Variants in TEX10 observed in about 807,000 individuals in gnomAD.
The protein encoded by TEX10 is testis expressed 10, also known as testis-expressed protein 10.
Under a neutral mutation model 104.4 loss-of-function variants are expected in TEX10, and 24 were observed. That is an observed-to-expected ratio of 0.23 (90% CI 0.17 to 0.32). TEX10 has a LOEUF of 0.32. Ranked by LOEUF, TEX10 falls within the 10% of genes least tolerant of loss-of-function variation. The pLI is 1.00. For synonymous variants in TEX10, 396 were observed against 393.4 expected, an observed-to-expected ratio of 1.01 and a Z score of -0.08; for missense variants, 921 against 1,083.9, an observed-to-expected ratio of 0.85 and a Z score of 2.11.
At chr9:100,326,627 A>G in intron 8 of TEX10, 148 bp from the exon 9 acceptor site, 1 of 751,890 alleles carries the variant, frequency 1.3e-6, no homozygotes, top group Non-Finnish European at 2.0e-6. Context: ...GCATAATTAT[A>G]TTAATATCAT....
intron 5 of TEX10, among the ~76,000 whole-genome samples, chr9:100,339,262 A>T (rs1292947102): frequency 7.7e-6 from 1 of 129,522 alleles, no homozygotes; most frequent in African/African-American, 3.2e-5. Flanking sequence ...AAAAAAAAAA[A>T]AAAAAAAAAA....
At chr9:100,323,029 G>A (rs911509641) in intron 9 of TEX10, among the ~76,000 whole-genome samples, 8 of 152,270 alleles carry the variant, frequency 5.3e-5, no homozygotes, top group Admixed American at 2.0e-4. Context: ...TGCTAAGGGG[G>A]TTATAAAAAG....
At chr9:100,312,965 G>C (rs1275763758) in intron 11 of TEX10, among the ~76,000 whole-genome samples, 4 of 152,110 alleles carry the variant, frequency 2.6e-5, no homozygotes, top group African/African-American at 9.7e-5. Context: ...ATAGTCCCTA[G>C]AGATAGGAAG....
At chr9:100,340,235 C>A in intron 5 of TEX10, 22 bp downstream of exon 5, 1 of 1,440,500 alleles carries the variant, frequency 6.9e-7, no homozygotes, top group Non-Finnish European at 9.4e-7. Flanking sequence ...CAAGGTTATA[C>A]AGTGAAAAAG....
chr9:100,326,598 G>T, intron 8 of TEX10, 119 bp from the exon 9 acceptor site: 2 of 947,596 alleles, frequency 2.1e-6, no homozygotes, highest in Non-Finnish European at 3.0e-6. Context: ...TGAATTTTAT[G>T]AATATCAATT....
intron 13 of TEX10, chr9:100,306,266 TTAA>T (rs1434682469): frequency 2.6e-5 from 4 of 152,098 alleles, no homozygotes; most frequent in Non-Finnish European, 5.9e-5. Context: ...TGGTTAAAAA[TTAA>T]TAATAACTTT....
chr9:100,325,080 T>C (rs1834669862), intron 9 of TEX10, among the ~76,000 whole-genome samples: 1 of 152,170 alleles, frequency 6.6e-6, no homozygotes, highest in African/African-American at 2.4e-5. Flanking sequence ...AAAAGGCAAG[T>C]TTATTGTCAG....
In TEX10 at chr9:100,304,364, T is replaced by C. The variant is rs193177324; in HGVS notation, c.2466-522A>G. 21 of 162,000 alleles carry C rather than the reference T, an allele frequency of 1.3e-4. No individual in the cohort carries two copies. In the East Asian group the frequency reaches 3.1e-3, roughly 24 times the overall value. 10.0% of individuals were successfully genotyped at this position (162,000 alleles called of 1,614,324 possible). A position where few individuals can be genotyped will look rare whatever the true frequency, so the allele number is the denominator to read the frequency against. The stretch of plus-strand genomic sequence containing the variant: ...AGTAGCCAAAACAGCATGGTAATGA[T>C]AGAGAACAACAGACAGATAAACCAA... On this transcript the variant is annotated intron_variant, in intron 13 of 14. Coordinates refer to ENST00000374902, the MANE Select transcript of TEX10 (RefSeq NM_017746.4).
intron 4 of TEX10, among the ~76,000 whole-genome samples, chr9:100,341,282 G>A (rs755091137): frequency 1.3e-5 from 2 of 152,048 alleles, no homozygotes; most frequent in African/African-American, 4.8e-5. Flanking sequence ...CTCAATTATT[G>A]TTCCTCCTTA....
At chr9:100,350,915 C>T (rs1835424173) in intron 1 of TEX10, among the ~76,000 whole-genome samples, 1 of 152,170 alleles carries the variant, frequency 6.6e-6, no homozygotes, top group Non-Finnish European at 1.5e-5. Flanking sequence ...ACTCTGACGC[C>T]TTCCAGCTGT....
Position 100,327,767 on chromosome 9 carries a change from T to C in TEX10, c.1801+20A>G. 6.5e-7 allele frequency: 1 copy of C among 1,541,306 alleles called. No homozygotes were observed. Among genetic ancestry groups the C allele is most frequent in the Non-Finnish European group, 8.8e-7 (1 of 1,132,484 alleles). On this transcript the variant is annotated intron_variant, in intron 8 of 14. Coordinates refer to ENST00000374902, the MANE Select transcript of TEX10 (RefSeq NM_017746.4). The stretch of plus-strand genomic sequence containing the variant: ...GGTGGATCAATGACTACCCATACCA[T>C]TAAACAAATGAACTCTTACCATAAA...
At chr9:100,338,194 T>C (rs1411925308) in intron 5 of TEX10, among the ~76,000 whole-genome samples, 1 of 152,200 alleles carries the variant, frequency 6.6e-6, no homozygotes, top group Admixed American at 6.5e-5. Context: ...AGTTTTGTTT[T>C]TGTTTCCTAT....
At chr9:100,350,676 CAT>C (rs1835417294) in intron 1 of TEX10, among the ~76,000 whole-genome samples, 1 of 152,068 alleles carries the variant, frequency 6.6e-6, no homozygotes, top group Non-Finnish European at 1.5e-5. Flanking sequence ...CAATGCTACA[CAT>C]GAGGGTATAA....
intron 11 of TEX10, among the ~76,000 whole-genome samples, chr9:100,316,144 A>G (rs1445862512): frequency 1.3e-5 from 2 of 152,200 alleles, no homozygotes; most frequent in Admixed American, 6.5e-5. Context: ...ATACTTGCAA[A>G]TCAACTCTAA....
In TEX10 at chr9:100,346,269, T is replaced by C. The variant is rs751943796; in HGVS notation, c.940A>G (p.Thr314Ala). 3.7e-6 allele frequency: 6 copies of C among 1,613,940 alleles called. No homozygotes were observed. The African/African-American group carries it at 6.7e-5, about 18-fold the overall frequency. The change falls in exon 4 of 15, where the codon ACT becomes GCT. Residue 314 changes from threonine to alanine, a missense_variant. By Grantham distance (58) the Thr-to-Ala change is moderately conservative (BLOSUM62 0). Around this residue, in one of 3 missense-constraint regions of TEX10, gnomAD observed 753 missense variants for 868.4 expected, o/e 0.87. Transcript: ENST00000374902. ...LSGVDEGLSSTENLKGFIEII... is the reference protein window; with the variant it reads ...LSGVDEGLSSAENLKGFIEII... ...TCAATAAATCCTTTCAGGTTTTCAG[T>C]AGATGACAGGCCTTCATCCACACCA...
At chr9:100,320,189 C>A in intron 11 of TEX10, 76 bp downstream of exon 11, 1 of 1,350,246 alleles carries the variant, frequency 7.4e-7, no homozygotes, top group Non-Finnish European at 9.9e-7. Context: ...CACAAGGCAA[C>A]TCATATATAG....
At chr9:100,330,904 C>G (rs1436554862) in intron 5 of TEX10, among the ~76,000 whole-genome samples, 2 of 151,882 alleles carry the variant, frequency 1.3e-5, no homozygotes, top group Non-Finnish European at 2.9e-5. Flanking sequence ...CTGCTTGAGG[C>G]CAAGAGTTGG....
chr9:100,343,445 A>G (rs906599913), intron 4 of TEX10, among the ~76,000 whole-genome samples: 5 of 151,950 alleles, frequency 3.3e-5, no homozygotes, highest in Non-Finnish European at 7.4e-5. Context: ...TTATATGAAC[A>G]GGAAAAAAAA....
At chr9:100,326,212 C>A (rs539411801) in intron 9 of TEX10, 90 bp downstream of exon 9, 19 of 1,382,526 alleles carry the variant, frequency 1.4e-5, no homozygotes, top group Middle Eastern at 2.4e-4. Context: ...GTAGTGTATG[C>A]GACTTCAAAA....
Sources: allele counts gnomAD v4.1 joint callset (sites outside exome capture counted in the v4.1 genomes callset), GRCh38; gene constraint gnomAD v4.1.1; regional missense constraint gnomAD v4.1.1; transcripts MANE v1.5; gene names NCBI Gene and HGNC (gene_info 2026-07-23, HGNC 2026-07-21).